APPBP2: variants seen among roughly 807,000 people sequenced by gnomAD.
APPBP2 encodes the protein amyloid beta precursor protein binding protein 2.
A neutral mutation model predicts 76.0 loss-of-function variants in APPBP2; 15 were observed. That is an observed-to-expected ratio of 0.20 (90% CI 0.13 to 0.30). The LOEUF (loss-of-function observed/expected upper bound fraction) is 0.30. Ranked by LOEUF, APPBP2 falls within the 10% of genes least tolerant of loss-of-function variation. APPBP2 has a pLI of 1.00. For synonymous variants in APPBP2, 222 were observed against 242.2 expected (o/e 0.92, Z 0.77); for missense variants, 401 against 687.2 (o/e 0.58, Z 4.66).
At chr17:60,523,841 G>A (rs2091029115) in intron 1 of APPBP2, among the ~76,000 whole-genome samples, 1 of 152,068 alleles carries the variant, frequency 6.6e-6, no homozygotes, top group Non-Finnish European at 1.5e-5. Flanking sequence ...AAGTAAAAGA[G>A]CAAGGAACTC....
At chr17:60,520,479 G>A (rs897947952) in intron 1 of APPBP2, among the ~76,000 whole-genome samples, 27 of 151,472 alleles carry the variant, frequency 1.8e-4, no homozygotes, top group African/African-American at 1.5e-4. Flanking sequence ...AGGCTGAGGC[G>A]GGAGAATCAC....
intron 1 of APPBP2, among the ~76,000 whole-genome samples, chr17:60,505,971 C>T (rs1242758130): frequency 6.6e-6 from 1 of 150,868 alleles, no homozygotes; most frequent in East Asian, 1.9e-4. Flanking sequence ...GTGTGAGCCA[C>T]CATGCCTGGC....
At chr17:60,483,829 C>A (rs1196262547) in intron 3 of APPBP2, among the ~76,000 whole-genome samples, 1 of 152,124 alleles carries the variant, frequency 6.6e-6, no homozygotes, top group Admixed American at 6.6e-5. Context: ...AATGGTATTG[C>A]CCAGGTTTTC....
chr17:60,466,959 C>A (rs2090515799), intron 4 of APPBP2, among the ~76,000 whole-genome samples: 1 of 152,084 alleles, frequency 6.6e-6, no homozygotes, highest in African/African-American at 2.4e-5. Flanking sequence ...TCAACTATTT[C>A]TTTTAAAATC....
In APPBP2 at chr17:60,522,842, T is replaced by C. The variant is rs112005526; in HGVS notation, c.138+2952A>G. ...GTTTCTGCCACTCAGCCAACAAATA[T>C]ATTCTAGTGTCTTCCATTCTTTTTT... On this transcript the variant is annotated intron_variant, in intron 1 of 12. Coordinates refer to ENST00000083182, the MANE Select transcript of APPBP2 (RefSeq NM_006380.5). Among the ~76,000 whole-genome samples, 438 of 152,002 alleles carry C rather than the reference T, an allele frequency of 2.9e-3. 1 individual carries two copies. Among genetic ancestry groups the C allele is most frequent in the African/African-American group, 0.01 (425 of 41,460 alleles).
At chr17:60,512,284 T>C (rs982853385) in intron 1 of APPBP2, among the ~76,000 whole-genome samples, 1 of 151,804 alleles carries the variant, frequency 6.6e-6, no homozygotes, top group Non-Finnish European at 1.5e-5. Context: ...TTGTATTTTT[T>C]AGTAGAGACG....
At chr17:60,494,422 G>A in intron 3 of APPBP2, 44 bp downstream of exon 3, 1 of 1,580,218 alleles carries the variant, frequency 6.3e-7, no homozygotes, top group African/African-American at 1.4e-5. Context: ...ATTTAATTCT[G>A]AGTCCATCAC....
Position 60,445,568 on chromosome 17 carries a change from A to T in APPBP2, c.*2013T>A, listed in dbSNP as rs1447665408. 6.6e-6 allele frequency: 1 copy of T among 152,666 alleles called. No homozygotes were observed. The highest frequency in any genetic ancestry group is 6.5e-5 in the Admixed American group (1 of 15,288). The allele number at this position is 152,666 out of a possible 1,614,324, so 9.5% of individuals were successfully genotyped here. ...TAACCAATAAAAGTATACAAAGCCT[A>T]TCCTGAAAATATCTTTGGAGGTATT... On this transcript the variant is annotated 3_prime_UTR_variant, in exon 13 of 13. Transcript: ENST00000083182.
intron 1 of APPBP2, among the ~76,000 whole-genome samples, chr17:60,524,869 G>A (rs2091039062): frequency 6.6e-6 from 1 of 152,308 alleles, no homozygotes; most frequent in Non-Finnish European, 1.5e-5. Context: ...TTCAAGACAA[G>A]GAAGACTGAA....
chr17:60,451,801 T>A, intron 12 of APPBP2, 79 bp downstream of exon 12: 2 of 1,316,136 alleles, frequency 1.5e-6, no homozygotes, highest in Non-Finnish European at 2.1e-6. Context: ...TTAATAACAT[T>A]TTCCTTATAC....
At chr17:60,495,806 A>G (rs547353419) in intron 2 of APPBP2, among the ~76,000 whole-genome samples, 16 of 152,298 alleles carry the variant, frequency 1.1e-4, no homozygotes, top group Admixed American at 4.6e-4. Flanking sequence ...GAGAATTGAG[A>G]CTATATACAC....
intron 4 of APPBP2, among the ~76,000 whole-genome samples, chr17:60,478,105 T>C (rs2090603818): frequency 6.6e-6 from 1 of 152,162 alleles, no homozygotes; most frequent in Non-Finnish European, 1.5e-5. Flanking sequence ...CTAGGAAATA[T>C]GAACCTTAAT....
intron 1 of APPBP2, among the ~76,000 whole-genome samples, chr17:60,513,811 A>G (rs1190315566): frequency 6.6e-6 from 1 of 151,792 alleles, no homozygotes; most frequent in Non-Finnish European, 1.5e-5. Context: ...TGCAGATGCC[A>G]CTGCAATCCA....
In APPBP2 at chr17:60,457,772, C is replaced by G. The variant is rs2090442479; in HGVS notation, c.1062-1391G>C. On this transcript the variant is annotated intron_variant, in intron 9 of 12. Coordinates refer to ENST00000083182, the MANE Select transcript of APPBP2 (RefSeq NM_006380.5). The stretch of plus-strand genomic sequence containing the variant: ...TGTCAATGACTATTTCCATTTCTAG[C>G]CATTTGTTTTATTTTTATAACAGCT... Among the ~76,000 whole-genome samples, 3 of 152,154 alleles carry G rather than the reference C, an allele frequency of 2.0e-5. No homozygotes were observed. The South Asian group carries it at 6.2e-4, about 32-fold the overall frequency.
At chr17:60,465,678 G>A (rs1227189357) in intron 5 of APPBP2, among the ~76,000 whole-genome samples, 1 of 151,950 alleles carries the variant, frequency 6.6e-6, no homozygotes, top group East Asian at 1.9e-4. Context: ...GTCCAGCGTG[G>A]GTGACAAAGC....
At chr17:60,471,880 C>T (rs920603860) in intron 4 of APPBP2, among the ~76,000 whole-genome samples, 1 of 152,154 alleles carries the variant, frequency 6.6e-6, no homozygotes, top group South Asian at 2.1e-4. Flanking sequence ...AATCCTAGAA[C>T]TTTGGGAGGC....
At chr17:60,449,764 A>G (rs1222841784) in intron 12 of APPBP2, among the ~76,000 whole-genome samples, 3 of 152,146 alleles carry the variant, frequency 2.0e-5, no homozygotes, top group Admixed American at 6.5e-5. Context: ...ATTTTCTAGA[A>G]AAAAATATCT....
intron 11 of APPBP2, 37 bp downstream of exon 11, chr17:60,454,265 C>T (rs769236020): frequency 4.9e-6 from 7 of 1,430,186 alleles, no homozygotes; most frequent in Non-Finnish European, 5.7e-6. Flanking sequence ...TATTTCATTA[C>T]TTAAGAGAGA....
chr17:60,511,671 C>T (rs2090915044), intron 1 of APPBP2, among the ~76,000 whole-genome samples: 1 of 151,076 alleles, frequency 6.6e-6, no homozygotes, highest in East Asian at 1.9e-4. Flanking sequence ...AACTGTAAAA[C>T]ACTTGTTTCC....
Sources: allele counts gnomAD v4.1 joint callset (sites outside exome capture counted in the v4.1 genomes callset), GRCh38; gene constraint gnomAD v4.1.1; transcripts MANE v1.5; gene names NCBI Gene and HGNC (gene_info 2026-07-23, HGNC 2026-07-21).